Variants in BUB1 observed in about 807,000 individuals in gnomAD.
The protein encoded by BUB1 is mitotic checkpoint serine/threonine-protein kinase BUB1.
Under a neutral mutation model 135.2 loss-of-function variants are expected in BUB1, and 84 were observed. The ratio of observed to expected loss-of-function variants is 0.62; its 90% CI spans 0.52 to 0.74. The LOEUF (loss-of-function observed/expected upper bound fraction) is 0.74, where lower values mean the gene tolerates loss of function less well. Among genes scored for constraint, BUB1 ranks in the 30% least tolerant of loss-of-function variants. BUB1 has a pLI of 0.00. For missense variants in BUB1, 1,162 were observed against 1,288.3 expected, an observed-to-expected ratio of 0.90 and a Z score of 1.50; for synonymous variants, 403 against 434.4, an observed-to-expected ratio of 0.93 and a Z score of 0.90.
intron 9 of BUB1, among the ~76,000 whole-genome samples, chr2:110,665,566 A>G (rs1011203616): frequency 6.8e-6 from 1 of 146,992 alleles, no homozygotes; most frequent in African/African-American, 2.5e-5. Flanking sequence ...AAAGAAAAAG[A>G]ATGTTTGTGT....
intron 11 of BUB1, among the ~76,000 whole-genome samples, chr2:110,659,658 T>G (rs1035375069): frequency 1.1e-4 from 16 of 152,190 alleles, no homozygotes; most frequent in African/African-American, 3.6e-4. Flanking sequence ...AGTGTAACAC[T>G]CCTAATTAAA....
intron 4 of BUB1, 22 bp downstream of exon 4, chr2:110,672,639 G>A: frequency 6.5e-7 from 1 of 1,538,042 alleles, no homozygotes; most frequent in South Asian, 1.2e-5. Flanking sequence ...AATCATCACA[G>A]AGAGTTTGAC....
intron 1 of BUB1, among the ~76,000 whole-genome samples, chr2:110,677,492 A>T (rs1574340322): frequency 2.6e-5 from 4 of 151,696 alleles, no homozygotes; most frequent in Admixed American, 1.3e-4. Context: ...TTTTTTTTCA[A>T]TTTTTTTTTC....
chr2:110,672,947 T>A, intron 3 of BUB1, 90 bp from the exon 4 acceptor site: 1 of 1,338,584 alleles, frequency 7.5e-7, no homozygotes, highest in Non-Finnish European at 1.0e-6. Context: ...TGGGAGCCCC[T>A]AGGTAGCTTC....
At position 110,648,243 on chromosome 2, in the gene BUB1, G is replaced by T. The variant is rs1689694499; in HGVS notation, c.2347+991C>A. Among the ~76,000 whole-genome samples the T allele has an allele frequency of 6.6e-6, 1 of 151,566 alleles. No homozygotes were observed. The highest frequency in any genetic ancestry group is 1.5e-5 in the Non-Finnish European group (1 of 67,908). ...AAAAAAAGCTATCAAATCATGAAAT[G>T]ACACAAGGGAACCTTAAATGCATAT... On this transcript the variant is annotated intron_variant, in intron 19 of 24. Coordinates refer to ENST00000302759, the MANE Select transcript of BUB1 (RefSeq NM_004336.5). This position sits in a 1 kb window ranked among gnomAD's most constrained non-coding sequence, Gnocchi z 4.2.
chr2:110,658,538 A>G lies in BUB1; in HGVS notation c.1406-18T>C. ...GATGAAACCTTAAAGAACAAAAAGA[A>G]TAATTGTAAACAGGTTGCAAAAGAG... On this transcript the variant is annotated intron_variant, in intron 12 of 24. Transcript: ENST00000302759. 6.2e-7 allele frequency: 1 copy of G among 1,613,674 alleles called. No homozygotes were observed. The highest frequency in any genetic ancestry group is 8.5e-7 in the Non-Finnish European group (1 of 1,179,778).
At chr2:110,640,062 CT>C in intron 23 of BUB1, 1 of 638,348 alleles carries the variant, frequency 1.6e-6, no homozygotes, top group East Asian at 3.1e-5. Context: ...CTCTGCCCTC[CT>C]GAGCTACCAT....
rs1307304703 is a variant in BUB1, at chr2:110,674,217, G to C, written c.94C>G (p.Gln32Glu). 3.1e-6 allele frequency: 5 copies of C among 1,609,224 alleles called. No individual in the cohort carries two copies. In the South Asian group the frequency reaches 5.5e-5, roughly 18 times the overall value. The change falls in exon 3 of 25, where the codon CAG becomes GAG. Residue 32 changes from glutamine (Q) to glutamate (E), a missense_variant. Gln to Glu is a conservative substitution (Grantham distance 29, BLOSUM62 2). Coordinates refer to ENST00000302759, the MANE Select transcript of BUB1 (RefSeq NM_004336.5). The stretch of plus-strand genomic sequence containing the variant: ...TCAGGAAAATTCTCTTCTACCCACT[G>C]TATGTATCTAGAAAAATATGGATAA... ...DPLGEWERYI[Q>E]WVEENFPENK...
At chr2:110,654,182 A>T (rs1337910881) in intron 16 of BUB1, among the ~76,000 whole-genome samples, 1 of 152,144 alleles carries the variant, frequency 6.6e-6, no homozygotes, top group Non-Finnish European at 1.5e-5. Context: ...TGAAGACAAG[A>T]ACATGGAGAG....
rs202135280 is a variant in BUB1 at position 110,672,904 on chromosome 2, G to C, written c.226-47C>G. 1.0e-3 allele frequency: 1,543 copies of C among 1,494,274 alleles called. 3 individuals carry two copies. The highest frequency in any genetic ancestry group is 2.6e-3 in the Middle Eastern group (13 of 5,040). The allele number at this position is 1,494,274 out of a possible 1,614,324, so 92.6% of individuals were successfully genotyped here. ...AGACATAAGAATAATGGAACTGCTA[G>C]TCTATGTCTGGTGAGGAGTTAGCCA... On this transcript the variant is annotated intron_variant, in intron 3 of 24. Transcript: ENST00000302759.
At chr2:110,673,947 G>T in intron 3 of BUB1, 139 bp downstream of exon 3, 1 of 730,782 alleles carries the variant, frequency 1.4e-6, no homozygotes, top group Non-Finnish European at 2.2e-6. Flanking sequence ...TTGAATCAGA[G>T]AATGAACAGA....
At chr2:110,646,859 AAAGT>A (rs1354632652) in intron 19 of BUB1, among the ~76,000 whole-genome samples, 2 of 152,224 alleles carry the variant, frequency 1.3e-5, no homozygotes, top group African/African-American at 4.8e-5. Context: ...AATTAAAACT[AAAGT>A]AAGCAGAATA....
intron 9 of BUB1, among the ~76,000 whole-genome samples, chr2:110,663,814 G>A (rs1458869414): frequency 5.3e-5 from 8 of 152,144 alleles, no homozygotes; most frequent in Admixed American, 3.9e-4. Context: ...GGATCACGAG[G>A]TCAGGAGATC....
chr2:110,674,596 G>A (rs1294281533), intron 1 of BUB1, among the ~76,000 whole-genome samples: 1 of 152,206 alleles, frequency 6.6e-6, no homozygotes. Flanking sequence ...AAACTCAGAA[G>A]CAGCCAGTGT....
intron 17 of BUB1, among the ~76,000 whole-genome samples, chr2:110,651,657 C>T (rs1016677275): frequency 6.6e-6 from 1 of 152,178 alleles, no homozygotes; most frequent in African/African-American, 2.4e-5. Context: ...CTCACGTTCA[C>T]TCACCACTCA....
Position 110,667,508 on chromosome 2 carries a change from A to G in BUB1, c.805+13T>C. On this transcript the variant is annotated intron_variant, in intron 8 of 24. Transcript: ENST00000302759. ...TGACATAAGAATAACTAAAAATACA[A>G]GATTGCAAGTACCCCATTGCTCATG... The G allele has an allele frequency of 6.3e-7, 1 of 1,592,794 alleles. No individual in the cohort carries two copies.
Position 110,658,444 on chromosome 2 carries a change from A to T in BUB1, c.1482T>A (p.Asp494Glu). Residue 494 changes from aspartate to glutamate, a missense_variant, in exon 13 of 25, where the codon GAT becomes GAA. By Grantham distance (45) the Asp-to-Glu change is conservative. Transcript: ENST00000302759. ...SDDKDEWQSL[D>E]QNEDAFEAQF... ...GGGCTTCAAATGCATCTTCATTTTG[A>T]TCTAGAGATTGCCATTCATCTTTGT... 6.2e-7 allele frequency: 1 copy of T among 1,613,924 alleles called. No homozygotes were observed. The highest frequency in any genetic ancestry group is 1.1e-5 in the South Asian group (1 of 91,046).
At position 110,641,111 on chromosome 2, in the gene BUB1, T is replaced by A. The variant is rs568296249; in HGVS notation, c.2878A>T (p.Thr960Ser). 1.1e-4 allele frequency: 177 copies of A among 1,613,678 alleles called. 3 individuals are homozygous for A. In the South Asian group the frequency reaches 1.8e-3, roughly 16 times the overall value. Residue 960 changes from threonine to serine, a missense_variant, in exon 23 of 25, where the codon ACT (threonine) becomes TCT (serine). Thr to Ser is a moderately conservative substitution (Grantham distance 58, BLOSUM62 1). Coordinates refer to ENST00000302759, the MANE Select transcript of BUB1 (RefSeq NM_004336.5). Reference protein sequence around the residue: ...SIDMKLFPKGTIFTAKCETSG... With the variant: ...SIDMKLFPKGSIFTAKCETSG... Reference sequence around the variant, plus strand: ...GTTTCACACTTTGCTGTGAATATAGTTCCTTTTGGAAAAAGTTTCATATCT... The same window carrying A: ...GTTTCACACTTTGCTGTGAATATAGATCCTTTTGGAAAAAGTTTCATATCT...
chr2:110,667,784 T>C lies in BUB1; in HGVS notation c.620+13A>G, dbSNP rs374442419. 2.1e-5 allele frequency: 34 copies of C among 1,612,276 alleles called. No homozygotes were observed. Among genetic ancestry groups the C allele is most frequent in the Non-Finnish European group, 2.8e-5 (33 of 1,179,266 alleles). On this transcript the variant is annotated intron_variant, in intron 7 of 24. Coordinates refer to ENST00000302759, the MANE Select transcript of BUB1 (RefSeq NM_004336.5). Reference sequence around the variant, plus strand: ...GGAAACTAATAATAGATTAATGCACTGATTATACTTGCATATTTGACTCTT... The same window carrying C: ...GGAAACTAATAATAGATTAATGCACCGATTATACTTGCATATTTGACTCTT...
Sources: gnomAD v4.1 joint callset for allele counts (sites outside exome capture counted in the v4.1 genomes callset) on GRCh38, gnomAD v4.1.1 for gene constraint, Gnocchi (gnomAD v3.1) non-coding constraint, MANE v1.5 for transcripts, NCBI Gene and HGNC (gene_info 2026-07-23, HGNC 2026-07-21) for gene names.